PAN3: variants seen among roughly 807,000 people sequenced by gnomAD.
PAN3 encodes the protein PAN2-PAN3 deadenylation complex subunit PAN3.
A neutral mutation model predicts 96.2 loss-of-function variants in PAN3; 19 were observed. The observed-to-expected ratio is 0.20, with a 90% CI of 0.14 to 0.29. The LOEUF is 0.29. Ranked by LOEUF, PAN3 falls within the 10% of genes least tolerant of loss-of-function variation. The pLI, the probability that PAN3 is intolerant of heterozygous loss-of-function variation, is 1.00. For missense variants in PAN3, 882 were observed against 1,108.1 expected (o/e 0.80, Z 2.90); for synonymous variants, 433 against 406.6 (o/e 1.06, Z -0.78).
chr13:28,204,690 C>T (rs1879141823), intron 5 of PAN3, among the ~76,000 whole-genome samples: 1 of 152,088 alleles, frequency 6.6e-6, no homozygotes, highest in African/African-American at 2.4e-5. Context: ...TGTGATTTTA[C>T]ATTTCATTTT....
chr13:28,292,541 G>GC lies in PAN3; in HGVS notation c.*20dup, dbSNP rs748440444. ...GTTGTAGTATTTGCTAAAAAAGCAC[G>GC]CAGGACATGGCTAAAGACCTTAACC... On this transcript the variant is annotated 3_prime_UTR_variant, in exon 19 of 19. Coordinates refer to ENST00000380958, the MANE Select transcript of PAN3 (RefSeq NM_175854.8). 2 of 1,596,274 alleles carry GC rather than the reference G, an allele frequency of 1.3e-6. No individual in the cohort carries two copies. Among genetic ancestry groups the GC allele is most frequent in the Non-Finnish European group, 1.7e-6 (2 of 1,172,804 alleles).
intron 5 of PAN3, chr13:28,214,583 A>G (rs1413356077): frequency 7.5e-6 from 3 of 397,702 alleles, no homozygotes; most frequent in Non-Finnish European, 9.5e-6. Flanking sequence ...GTCCACCACT[A>G]CTGGCCATCT....
chr13:28,142,848 A>G (rs1870047722), intron 1 of PAN3, among the ~76,000 whole-genome samples: 1 of 152,028 alleles, frequency 6.6e-6, no homozygotes, highest in African/African-American at 2.4e-5. Flanking sequence ...CTCCATTTTG[A>G]CTCATTCCCT....
chr13:28,138,617 G>GCGGCGA lies in PAN3; in HGVS notation c.-40_-39insGGCGAC. On this transcript the variant is annotated 5_prime_UTR_variant, in exon 1 of 19. Transcript: ENST00000380958. ...CCCGTCTATGGTGGTGGCGGCGGCG[G>GCGGCGA]CTCCTCGGGCGGCGGCGGAAGACGA... 1 of 500,708 alleles carries GCGGCGA rather than the reference G, an allele frequency of 2.0e-6. No homozygotes were observed. Among genetic ancestry groups the GCGGCGA allele is most frequent in the African/African-American group, 2.0e-5 (1 of 49,552 alleles). 31.0% of individuals were successfully genotyped at this position (500,708 alleles called of 1,614,324 possible).
At chr13:28,208,044 T>G (rs1172958301) in intron 5 of PAN3, among the ~76,000 whole-genome samples, 1 of 152,180 alleles carries the variant, frequency 6.6e-6, no homozygotes, top group Non-Finnish European at 1.5e-5. Flanking sequence ...TTCCTGAAAT[T>G]TAATGCTTTA....
chr13:28,153,113 G>T (rs1871589194), intron 1 of PAN3, among the ~76,000 whole-genome samples: 1 of 151,984 alleles, frequency 6.6e-6, no homozygotes, highest in Non-Finnish European at 1.5e-5. Flanking sequence ...GTTAGTAAGG[G>T]TGTTATCCAT....
intron 6 of PAN3, among the ~76,000 whole-genome samples, chr13:28,253,913 T>G (rs1024579602): frequency 2.6e-5 from 4 of 152,250 alleles, no homozygotes; most frequent in African/African-American, 9.6e-5. Flanking sequence ...TAGTAAATTC[T>G]ACTATAGGTG....
chr13:28,275,658 G>A (rs899720496), intron 14 of PAN3, among the ~76,000 whole-genome samples: 4 of 152,174 alleles, frequency 2.6e-5, no homozygotes, highest in African/African-American at 4.8e-5. Flanking sequence ...TTGATCTAAA[G>A]TGTGATTGAG....
At chr13:28,196,935 T>C (rs545598069) in intron 4 of PAN3, among the ~76,000 whole-genome samples, 7 of 152,370 alleles carry the variant, frequency 4.6e-5, no homozygotes, top group Non-Finnish European at 7.3e-5. Flanking sequence ...AGATTAAATG[T>C]ATTTTTCTAA....
At chr13:28,193,123 T>C (rs1877498910) in intron 4 of PAN3, among the ~76,000 whole-genome samples, 2 of 152,222 alleles carry the variant, frequency 1.3e-5, no homozygotes, top group Admixed American at 1.3e-4. Flanking sequence ...TTAAGAAGTT[T>C]ACGAATTCTT....
At chr13:28,257,474 C>G (rs1359703812) in intron 7 of PAN3, among the ~76,000 whole-genome samples, 2 of 151,324 alleles carry the variant, frequency 1.3e-5, no homozygotes, top group Admixed American at 6.6e-5. Flanking sequence ...TGTTAGGAAC[C>G]AGGCCGCACA....
At chr13:28,182,301 T>G (rs1007543166) in intron 4 of PAN3, among the ~76,000 whole-genome samples, 1 of 152,176 alleles carries the variant, frequency 6.6e-6, no homozygotes, top group African/African-American at 2.4e-5. Flanking sequence ...CAGCTTGGCT[T>G]TCTCCTTTTA....
intron 4 of PAN3, among the ~76,000 whole-genome samples, chr13:28,186,859 T>G (rs1025510645): frequency 1.3e-5 from 2 of 152,018 alleles, no homozygotes. Flanking sequence ...CTGAAATTGA[T>G]AGAAAACTTT....
chr13:28,287,076 C>T (rs767323150), intron 17 of PAN3, among the ~76,000 whole-genome samples: 1 of 152,154 alleles, frequency 6.6e-6, no homozygotes, highest in African/African-American at 2.4e-5. Context: ...CTTTTCTCCC[C>T]CAACCCATTC....
At chr13:28,270,961 T>C in intron 13 of PAN3, 95 bp downstream of exon 13, 1 of 1,239,748 alleles carries the variant, frequency 8.1e-7, no homozygotes, top group South Asian at 1.5e-5. Context: ...TGCCTTTTCA[T>C]ATATTCCATC....
intron 1 of PAN3, among the ~76,000 whole-genome samples, chr13:28,171,726 C>T (rs1473667556): frequency 1.3e-5 from 2 of 152,198 alleles, no homozygotes; most frequent in Non-Finnish European, 2.9e-5. Flanking sequence ...CCACAAACTC[C>T]TTGAACCCCA....
In PAN3 at chr13:28,290,617, G is replaced by GT. The variant is rs1566266401; in HGVS notation, c.2524-1765_2524-1764insT. Among the ~76,000 whole-genome samples the GT allele has an allele frequency of 2.0e-5, 3 of 152,256 alleles. No individual in the cohort carries two copies. The South Asian group carries it at 6.2e-4, about 32-fold the overall frequency. On this transcript the variant is annotated intron_variant, in intron 18 of 18. Transcript: ENST00000380958. ...AATCATTTGAACCCCAGGAGGCAGAGGTTGCAGTGAGCCGAGATTGTGCCA... is the reference window on the plus strand; with the variant it reads ...AATCATTTGAACCCCAGGAGGCAGAGTGTTGCAGTGAGCCGAGATTGTGCCA...
intron 5 of PAN3, among the ~76,000 whole-genome samples, chr13:28,210,516 C>T (rs772333394): frequency 3.3e-5 from 5 of 151,990 alleles, no homozygotes; most frequent in South Asian, 2.1e-4. Context: ...ATGCTTAAAT[C>T]GGAGGGCTTA....
rs1887142692 is a variant in PAN3 at position 28,277,327 on chromosome 13, A to G, written c.2140A>G (p.Met714Val). Residue 714 changes from methionine (M) to valine (V), a missense_variant, in exon 15 of 19, where the codon ATG becomes GTG. This residue lies in a region of PAN3 where 364 missense variants were observed against 513.6 expected (regional missense o/e 0.71). Coordinates refer to ENST00000380958, the MANE Select transcript of PAN3 (RefSeq NM_175854.8). ...GIQRENLQKAMELVTINYSSD... is the reference protein window; with the variant it reads ...GIQRENLQKAVELVTINYSSD... ...TCAGCGAGAGAATTTACAGAAAGCC[A>G]TGGAACTGGTGACAATCAACTATTC... The G allele has an allele frequency of 1.9e-6, 3 of 1,613,650 alleles. No individual in the cohort carries two copies. Among genetic ancestry groups the G allele is most frequent in the Admixed American group, 1.7e-5 (1 of 59,924 alleles).
Sources: gnomAD v4.1 joint callset for allele counts (sites outside exome capture counted in the v4.1 genomes callset) on GRCh38, gnomAD v4.1.1 for gene constraint, gnomAD v4.1.1 regional missense constraint, MANE v1.5 for transcripts, NCBI Gene and HGNC (gene_info 2026-07-23, HGNC 2026-07-21) for gene names.